The following PCDHGA10 variants were observed in gnomAD, a reference collection of about 807,000 sequenced individuals.
The protein encoded by PCDHGA10 is protocadherin gamma-A10.
Under a neutral mutation model 59.5 loss-of-function variants are expected in PCDHGA10, and 42 were observed. The ratio of observed to expected loss-of-function variants is 0.71; its 90% CI spans 0.55 to 0.91. PCDHGA10 has a LOEUF of 0.91. Ranked by LOEUF, PCDHGA10 falls within the 40% of genes least tolerant of loss-of-function variation. The pLI is 0.00. For missense variants in PCDHGA10, 1,111 were observed against 1,198.2 expected (o/e 0.93, Z 1.07); for synonymous variants, 511 against 517.2 (o/e 0.99, Z 0.16).
At position 141,490,561 on chromosome 5, in the gene PCDHGA10, A is replaced by C. The variant is rs2099701634; in HGVS notation, c.2437-4246A>C. The stretch of plus-strand genomic sequence containing the variant: ...TTCCCTACACAAACATCTCACCATC[A>C]GGCTCAACATTTCAGATGTCAATGA... On this transcript the variant is annotated intron_variant, in intron 1 of 3. Transcript: ENST00000398610. The surrounding 1 kb of genome is among the most constrained non-coding windows in gnomAD (Gnocchi z 5.4). The C allele has an allele frequency of 1.2e-6, 2 of 1,614,090 alleles. No homozygotes were observed. The highest frequency in any genetic ancestry group is 1.7e-4 in the Middle Eastern group (1 of 6,060).
chr5:141,430,458 A>G, intron 1 of PCDHGA10: 1 of 204,230 alleles, frequency 4.9e-6, no homozygotes, highest in Non-Finnish European at 9.7e-6. Context: ...GAAGAACAGT[A>G]GGTGGAGCTA....
intron 1 of PCDHGA10, among the ~76,000 whole-genome samples, chr5:141,438,340 G>A (rs1348587719): frequency 6.6e-6 from 1 of 151,522 alleles, no homozygotes; most frequent in Non-Finnish European, 1.5e-5. Flanking sequence ...TGTCATATAA[G>A]GATCTACTCT....
rs765969768 is a variant in PCDHGA10, at chr5:141,421,456, G to A, written c.2436+5845G>A. ...CTCCAGAGGGAAGACACAGCTTTTC[G>A]CTGTGAATCCGCGAAGCGGCAGCTT... is the stretch of plus-strand genomic sequence containing the variant. On this transcript the variant is annotated intron_variant, in intron 1 of 3. Transcript: ENST00000398610. 9.3e-6 allele frequency: 15 copies of A among 1,614,132 alleles called. No homozygotes were observed. Among genetic ancestry groups the A allele is most frequent in the Non-Finnish European group, 1.1e-5 (13 of 1,179,948 alleles).
intron 1 of PCDHGA10, chr5:141,427,003 T>C: frequency 2.2e-6 from 1 of 456,764 alleles, no homozygotes; most frequent in South Asian, 1.5e-5. Flanking sequence ...GCCCCAGTTT[T>C]TAGCCAGGAT....
intron 1 of PCDHGA10, chr5:141,418,934 G>T (rs1163951447): frequency 6.2e-7 from 1 of 1,614,056 alleles, no homozygotes; most frequent in African/African-American, 1.3e-5. Context: ...GATTATGGAG[G>T]ATTCCCCTCC....
rs118080774 is a variant in PCDHGA10, at chr5:141,422,026, G to A, written c.2436+6415G>A. On this transcript the variant is annotated intron_variant, in intron 1 of 3. Coordinates refer to ENST00000398610, the MANE Select transcript of PCDHGA10 (RefSeq NM_018913.3). ...CGGAACTCGGGTGCTGATGGTTAAT[G>A]CAACGGATCCAGACGAGGGAATCAA... 69 of 1,611,394 alleles carry A rather than the reference G, an allele frequency of 4.3e-5. No individual in the cohort carries two copies. The East Asian group carries it at 1.4e-3, about 32-fold the overall frequency.
Position 141,476,543 on chromosome 5 carries a change from G to A in PCDHGA10, c.2437-18264G>A, listed in dbSNP as rs1419273574. 1 of 1,614,220 alleles carries A rather than the reference G, an allele frequency of 6.2e-7. No individual in the cohort carries two copies. Among genetic ancestry groups the A allele is most frequent in the South Asian group, 1.1e-5 (1 of 91,084 alleles). On this transcript the variant is annotated intron_variant, in intron 1 of 3. Transcript: ENST00000398610. The surrounding 1 kb of genome is among the most constrained non-coding windows in gnomAD (Gnocchi z 7.6). ...TTTCCCTACCCAGGAAATGAAATTG[G>A]AGATTAGCGAGGCCGTGGCTCCGGG...
chr5:141,416,233 C>T (rs1313671195), intron 1 of PCDHGA10: 1 of 152,210 alleles, frequency 6.6e-6, no homozygotes, highest in Non-Finnish European at 1.5e-5. Flanking sequence ...ATTTTTCCAG[C>T]CCTATTTATA....
At chr5:141,496,759 C>T (rs1287940646) in intron 2 of PCDHGA10, among the ~76,000 whole-genome samples, 2 of 152,038 alleles carry the variant, frequency 1.3e-5, no homozygotes, top group South Asian at 4.2e-4. Context: ...AAATATTTAT[C>T]GAGCATCTAC....
At position 141,436,830 on chromosome 5, in the gene PCDHGA10, T is replaced by C. The variant is rs1054296892; in HGVS notation, c.2436+21219T>C. On this transcript the variant is annotated intron_variant, in intron 1 of 3. Coordinates refer to ENST00000398610, the MANE Select transcript of PCDHGA10 (RefSeq NM_018913.3). ...TGACAGCTGGTTTAAAAATCTTAAGTGCCTAGGCACATTCTTGATTGAGAA... is the reference window on the plus strand; with the variant it reads ...TGACAGCTGGTTTAAAAATCTTAAGCGCCTAGGCACATTCTTGATTGAGAA... Among the ~76,000 whole-genome samples, 37 of 152,252 alleles carry C rather than the reference T, an allele frequency of 2.4e-4. 1 individual carries two copies.
chr5:141,421,272 G>A, intron 1 of PCDHGA10: 1 of 1,612,340 alleles, frequency 6.2e-7, no homozygotes, highest in Non-Finnish European at 8.5e-7. Context: ...GGCTGCTGCT[G>A]CTGCTGTGCA....
Position 141,489,245 on chromosome 5 carries a change from G to A in PCDHGA10, c.2437-5562G>A, listed in dbSNP as rs773391205. 3 of 1,536,634 alleles carry A rather than the reference G, an allele frequency of 2.0e-6. No homozygotes were observed. The South Asian group carries it at 3.9e-5, about 20-fold the overall frequency. On this transcript the variant is annotated intron_variant, in intron 1 of 3. Transcript: ENST00000398610. The surrounding 1 kb of genome is among the most constrained non-coding windows in gnomAD (Gnocchi z 4.5). The stretch of plus-strand genomic sequence containing the variant: ...CCACAAAGGGACTTCTGGGTCATGG[G>A]GCCCAAGACACTCCCACAGCTCGCT...
At chr5:141,464,408 T>C (rs2154568477) in intron 1 of PCDHGA10, among the ~76,000 whole-genome samples, 1 of 151,718 alleles carries the variant, frequency 6.6e-6, no homozygotes, top group African/African-American at 2.4e-5. Flanking sequence ...CTGAGATATA[T>C]ATATATCTAT....
At position 141,489,397 on chromosome 5, in the gene PCDHGA10, G is replaced by A. The variant is rs1307106048; in HGVS notation, c.2437-5410G>A. 2.5e-6 allele frequency: 4 copies of A among 1,614,058 alleles called. No homozygotes were observed. The highest frequency in any genetic ancestry group is 2.7e-5 in the African/African-American group (2 of 74,914). ...GGTGGGGAATGTTGCTCAGGATCTG[G>A]GCTTAAAGATGACAGATCTGTTGAG... On this transcript the variant is annotated intron_variant, in intron 1 of 3. Transcript: ENST00000398610. This position sits in a 1 kb window ranked among gnomAD's most constrained non-coding sequence, Gnocchi z 4.5.
At chr5:141,497,848 T>C (rs2099779951) in intron 2 of PCDHGA10, among the ~76,000 whole-genome samples, 1 of 152,178 alleles carries the variant, frequency 6.6e-6, no homozygotes, top group South Asian at 2.1e-4. Flanking sequence ...AACAAACATT[T>C]TTGATTCAGC....
At chr5:141,497,827 C>T (rs1390986916) in intron 2 of PCDHGA10, among the ~76,000 whole-genome samples, 3 of 152,188 alleles carry the variant, frequency 2.0e-5, no homozygotes, top group East Asian at 3.9e-4. Flanking sequence ...GGTGTGATCG[C>T]CCCCGGCCAC....
chr5:141,428,508 T>G, intron 1 of PCDHGA10: 1 of 279,550 alleles, frequency 3.6e-6, no homozygotes, highest in South Asian at 4.0e-5. Flanking sequence ...CCTCGGATTC[T>G]AGAAAAAGAA....
chr5:141,422,670 C>CA (rs754910458), intron 1 of PCDHGA10: 6 of 1,607,126 alleles, frequency 3.7e-6, no homozygotes, highest in Non-Finnish European at 1.7e-6. Flanking sequence ...TCGACCCGGA[C>CA]AGCAAACAGA....
At chr5:141,419,331 T>G (rs2096361475) in intron 1 of PCDHGA10, 2 of 1,613,840 alleles carry the variant, frequency 1.2e-6, no homozygotes, top group Non-Finnish European at 8.5e-7. Flanking sequence ...TCCTACTCTC[T>G]CATTGCCAGC....
Sources: gnomAD v4.1 joint callset for allele counts (sites outside exome capture counted in the v4.1 genomes callset) on GRCh38, gnomAD v4.1.1 for gene constraint, Gnocchi (gnomAD v3.1) non-coding constraint, MANE v1.5 for transcripts, NCBI Gene and HGNC (gene_info 2026-07-23, HGNC 2026-07-21) for gene names.